The following LARP1 variants were observed in gnomAD, a reference collection of about 807,000 sequenced individuals.
LARP1 encodes La ribonucleoprotein 1, translational regulator, also known as la-related protein 1.
A neutral mutation model predicts 122.7 loss-of-function variants in LARP1; 36 were observed. That is an observed-to-expected ratio of 0.29 (90% confidence interval 0.22 to 0.39). LARP1 has a LOEUF of 0.39. LARP1 is among the 10% of genes least tolerant of loss of function. The pLI, the probability that LARP1 is intolerant of heterozygous loss-of-function variation, is 1.00. For synonymous variants in LARP1, 539 were observed against 528.7 expected, an observed-to-expected ratio of 1.02 and a Z score of -0.27; for missense variants, 1,040 against 1,403.6, an observed-to-expected ratio of 0.74 and a Z score of 4.14.
intron 1 of LARP1, among the ~76,000 whole-genome samples, chr5:154,763,548 A>G (rs1754654242): frequency 6.7e-6 from 1 of 148,874 alleles, no homozygotes; most frequent in African/African-American, 2.5e-5. Flanking sequence ...GGAGACCGAG[A>G]TGGTAGGATC....
At chr5:154,731,697 A>G (rs926259488) in intron 1 of LARP1, among the ~76,000 whole-genome samples, 70 of 152,256 alleles carry the variant, frequency 4.6e-4, no homozygotes, top group African/African-American at 1.6e-3. Context: ...TCCCACTGTC[A>G]TTCGGCAAAT....
At chr5:154,788,797 T>C (rs1476211301) in intron 1 of LARP1, among the ~76,000 whole-genome samples, 1 of 152,212 alleles carries the variant, frequency 6.6e-6, no homozygotes, top group Non-Finnish European at 1.5e-5. Context: ...TGTCTGTCTT[T>C]GTTGAAAAAC....
At chr5:154,780,283 G>C (rs572069982) in intron 1 of LARP1, among the ~76,000 whole-genome samples, 2 of 152,232 alleles carry the variant, frequency 1.3e-5, no homozygotes, top group South Asian at 4.1e-4. Flanking sequence ...AGGGCTCAAA[G>C]AGGAAAAAAG....
chr5:154,712,352 A>G (rs1755259167), upstream of LARP1, among the ~76,000 whole-genome samples: 1 of 152,236 alleles, frequency 6.6e-6, no homozygotes, highest in Non-Finnish European at 1.5e-5. Flanking sequence ...GTGGTCCAAC[A>G]GAACCGTATG....
chr5:154,769,403 A>G (rs1303713895), intron 1 of LARP1, among the ~76,000 whole-genome samples: 1 of 152,208 alleles, frequency 6.6e-6, no homozygotes, highest in Non-Finnish European at 1.5e-5. Context: ...ATGAGAAAGG[A>G]CAGCAGACTG....
At position 154,737,436 on chromosome 5, in the gene LARP1, CTTTTTTTT is replaced by C. The variant is rs10526758; in HGVS notation, c.205+24322_205+24329del. The stretch of plus-strand genomic sequence containing the variant: ...TAATCTAGAAGCATGGAATTTTTCT[CTTTTTTTT>C]TTTTTTTTTTTTTTTGAGATGGAGT... On this transcript the variant is annotated intron_variant, in intron 1 of 18. Coordinates refer to the LARP1 transcript ENST00000336314. Among the ~76,000 whole-genome samples the C allele has an allele frequency of 3.1e-5, 3 of 95,308 alleles. No individual in the cohort carries two copies. In the Admixed American group the frequency reaches 3.7e-4, roughly 12 times the overall value. The allele number at this position is 95,308 out of a possible 152,430, so 62.5% of individuals were successfully genotyped here.
intron 8 of LARP1, among the ~76,000 whole-genome samples, chr5:154,798,933 C>T (rs533096286): frequency 3.9e-5 from 6 of 152,312 alleles, no homozygotes; most frequent in African/African-American, 9.6e-5. Flanking sequence ...GGCACCATCT[C>T]GGCTCACCAC....
chr5:154,713,106 G>A (rs904198569), exon 1 of LARP1: 1 of 1,613,882 alleles, frequency 6.2e-7, no homozygotes, highest in Non-Finnish European at 8.5e-7. Context: ...GCCATTCCCT[G>A]TCCTGGCCCC....
At chr5:154,714,900 C>T (rs1436575807) in intron 1 of LARP1, among the ~76,000 whole-genome samples, 1 of 152,170 alleles carries the variant, frequency 6.6e-6, no homozygotes, top group Non-Finnish European at 1.5e-5. Flanking sequence ...AAAAATGAAG[C>T]CGGGTGCGGT....
rs895952255 is a variant in LARP1, at chr5:154,806,157, C to T, written c.2698+125C>T. On this transcript the variant is annotated intron_variant, in intron 15 of 18. Coordinates refer to ENST00000518297, the MANE Select transcript of LARP1 (RefSeq NM_033551.3). ...ACTTCAGAGCAAAAAAAAGACATGA[C>T]ATTATAGCAAGAAAGACTGAAGTTA... 4.1e-5 allele frequency: 43 copies of T among 1,036,396 alleles called. No individual in the cohort carries two copies. The African/African-American group carries it at 6.4e-4, about 16-fold the overall frequency. The allele number at this position is 1,036,396 out of a possible 1,614,324, so 64.2% of individuals were successfully genotyped here.
chr5:154,807,063 A>G (rs972191194), intron 15 of LARP1, among the ~76,000 whole-genome samples: 1 of 152,194 alleles, frequency 6.6e-6, no homozygotes, highest in Non-Finnish European at 1.5e-5. Flanking sequence ...GACATTTCAC[A>G]TAAATTATAC....
chr5:154,772,478 G>A (rs553870769), intron 1 of LARP1, among the ~76,000 whole-genome samples: 52 of 152,202 alleles, frequency 3.4e-4, no homozygotes, highest in Admixed American at 2.6e-4. Flanking sequence ...TGTCTATGGG[G>A]GATACATTTC....
intron 1 of LARP1, among the ~76,000 whole-genome samples, chr5:154,716,872 C>T (rs146899587): frequency 2.0e-4 from 30 of 152,198 alleles, no homozygotes; most frequent in Middle Eastern, 6.8e-3. Flanking sequence ...CTGACCTGGG[C>T]GACATGGCAA....
chr5:154,775,677 G>T (rs573546829), intron 1 of LARP1, among the ~76,000 whole-genome samples: 2 of 152,224 alleles, frequency 1.3e-5, no homozygotes, highest in South Asian at 2.1e-4. Context: ...GTGAACTAAC[G>T]GGCTCAAGAG....
chr5:154,736,166 G>A (rs573909067), intron 1 of LARP1, among the ~76,000 whole-genome samples: 76 of 151,206 alleles, frequency 5.0e-4, no homozygotes, highest in African/African-American at 1.7e-3. Flanking sequence ...GCGTGATCTC[G>A]GCTCACTGTA....
chr5:154,812,873 A>G (rs1371453706), intron 18 of LARP1, among the ~76,000 whole-genome samples: 1 of 152,100 alleles, frequency 6.6e-6, no homozygotes, highest in Non-Finnish European at 1.5e-5. Context: ...TATCACGAGA[A>G]CAAGATGGGG....
At chr5:154,728,720 G>C (rs1039233900) in intron 1 of LARP1, among the ~76,000 whole-genome samples, 1 of 152,110 alleles carries the variant, frequency 6.6e-6, no homozygotes. Flanking sequence ...TAACGGGATT[G>C]ACTAATAAGA....
At chr5:154,719,823 C>G (rs1755745811) in intron 1 of LARP1, among the ~76,000 whole-genome samples, 1 of 148,760 alleles carries the variant, frequency 6.7e-6, no homozygotes, top group Non-Finnish European at 1.5e-5. Flanking sequence ...AATTGTGCCA[C>G]TGCACTCCAG....
intron 1 of LARP1, among the ~76,000 whole-genome samples, chr5:154,705,117 C>CG (rs1554079345): frequency 9.3e-6 from 1 of 107,218 alleles, no homozygotes; most frequent in Non-Finnish European, 1.8e-5. Context: ...GACTCCGTCT[C>CG]AAAAAAAAAA....
Sources: allele counts gnomAD v4.1 joint callset (sites outside exome capture counted in the v4.1 genomes callset), GRCh38; gene constraint gnomAD v4.1.1; transcripts MANE v1.5; gene names NCBI Gene and HGNC (gene_info 2026-07-23, HGNC 2026-07-21).